FAM98A: variants seen among roughly 807,000 people sequenced by gnomAD.
FAM98A encodes protein FAM98A.
FAM98A carries 25 observed loss-of-function variants against 62.9 expected under a neutral mutation model. The observed-to-expected ratio is 0.40, with a 90% confidence interval of 0.29 to 0.56. The LOEUF is 0.56. FAM98A is among the 20% of genes least tolerant of loss of function. FAM98A has a pLI of 0.51. For missense variants in FAM98A, 653 were observed against 640.7 expected, an observed-to-expected ratio of 1.02 and a Z score of -0.21; for synonymous variants, 252 against 228.6, an observed-to-expected ratio of 1.10 and a Z score of -0.92.
chr2:33,587,516 C>G (rs1297787330), intron 4 of FAM98A, 196 bp from the exon 5 acceptor site: 2 of 562,600 alleles, frequency 3.6e-6, no homozygotes, highest in East Asian at 6.1e-5. Flanking sequence ...TACAGAAGTC[C>G]TTCATTGCAC....
intron 2 of FAM98A, among the ~76,000 whole-genome samples, chr2:33,594,600 CATACATACACACATATATATAT>C (rs1677754142): frequency 7.9e-6 from 1 of 126,234 alleles, no homozygotes; most frequent in African/African-American, 3.2e-5. Context: ...CACACACACA[CATACATACACACATATATATAT>C]ACACACATAT....
intron 2 of FAM98A, 58 bp from the exon 3 acceptor site, chr2:33,592,272 A>G: frequency 7.5e-7 from 1 of 1,327,396 alleles, no homozygotes; most frequent in South Asian, 1.3e-5. Context: ...CATTAGCATA[A>G]CAATTATTAT....
At chr2:33,590,940 A>T (rs1029847905) in intron 3 of FAM98A, among the ~76,000 whole-genome samples, 1 of 152,162 alleles carries the variant, frequency 6.6e-6, no homozygotes. Context: ...CTAAGTGCCA[A>T]ATATTGGTAA....
chr2:33,589,326 T>A (rs1443085745), intron 3 of FAM98A: 5 of 152,194 alleles, frequency 3.3e-5, no homozygotes, highest in Non-Finnish European at 7.4e-5. Context: ...TTCAATCTCA[T>A]TCCTTTAACA....
intron 2 of FAM98A, among the ~76,000 whole-genome samples, chr2:33,595,149 C>T (rs1217049727): frequency 6.6e-6 from 1 of 152,000 alleles, no homozygotes; most frequent in African/African-American, 2.4e-5. Flanking sequence ...GAAAAATATC[C>T]CAGTATCTAG....
In FAM98A at chr2:33,588,334, CT is replaced by C. The variant is rs1237814873; in HGVS notation, c.522del (p.Lys174AsnfsTer2). 8.7e-6 allele frequency: 14 copies of C among 1,606,766 alleles called. No homozygotes were observed. The highest frequency in any genetic ancestry group is 1.7e-5 in the Admixed American group (1 of 59,466). On this transcript the variant is annotated frameshift_variant and splice_region_variant, in exon 4 of 8. Transcript: ENST00000238823. LOFTEE classifies it high-confidence loss of function. ...CTACAATTTGGTACTAAAGGTCTTA[CT>C]TTTTTTTCAATCCCGCTGAAGAATT... The part of the protein sequence containing the change: ...MFQFFSGIEK[K>X]LKETLAKVPP...
chr2:33,587,835 T>C (rs1263841239), intron 4 of FAM98A, among the ~76,000 whole-genome samples: 2 of 151,404 alleles, frequency 1.3e-5, no homozygotes, highest in African/African-American at 4.9e-5. Flanking sequence ...ATAAAAATAA[T>C]TCTAATTTCT....
Position 33,585,046 on chromosome 2 carries a change from A to T in FAM98A, c.1287T>A (p.Ser429=), listed in dbSNP as rs202197501. 5.0e-5 allele frequency: 81 copies of T among 1,614,042 alleles called. No individual in the cohort carries two copies. The highest frequency in any genetic ancestry group is 6.1e-5 in the Non-Finnish European group (72 of 1,180,004). The change falls in exon 8 of 8, where the codon TCT becomes TCA. Residue 429 remains serine (S), a synonymous_variant. Coordinates refer to ENST00000238823, the MANE Select transcript of FAM98A (RefSeq NM_015475.5). Reference sequence around the variant, plus strand: ...GGTATCCACTTCCTGTATATGAAGAAGATGTTTGGAAGCCACCATAACCTC... The same window carrying T: ...GGTATCCACTTCCTGTATATGAAGATGATGTTTGGAAGCCACCATAACCTC... The part of the protein sequence containing the change: ...QGGGYGGFQT[S]SSYTGSGYQG...
At chr2:33,588,089 T>C (rs2151144018) in intron 4 of FAM98A, 1 of 497,018 alleles carries the variant, frequency 2.0e-6, no homozygotes, top group Non-Finnish European at 3.8e-6. Flanking sequence ...TTACTTTAGC[T>C]TACAAACCAG....
Position 33,592,210 on chromosome 2 carries a change from C to A in FAM98A, c.207G>T (p.Pro69=), listed in dbSNP as rs778507561. The A allele has an allele frequency of 6.2e-7, 1 of 1,606,198 alleles. No homozygotes were observed. The highest frequency in any genetic ancestry group is 8.5e-7 in the Non-Finnish European group (1 of 1,175,434). Residue 69 remains proline, a synonymous_variant, in exon 3 of 8, where the codon CCG becomes CCT. Transcript: ENST00000238823. The part of the protein sequence containing the change: ...LEENVQATNS[P]SEAEEFQLEV... ...CAAGCTGGAATTCTTCAGCTTCACTCGGACCTTTTAAGAATTAAAATAATC... is the reference window on the plus strand; with the variant it reads ...CAAGCTGGAATTCTTCAGCTTCACTAGGACCTTTTAAGAATTAAAATAATC...
At chr2:33,593,472 A>C (rs2151146174) in intron 2 of FAM98A, among the ~76,000 whole-genome samples, 1 of 152,340 alleles carries the variant, frequency 6.6e-6, no homozygotes, top group East Asian at 1.9e-4. Flanking sequence ...TCTCAATTAG[A>C]AAAAATTTGA....
At position 33,584,733 on chromosome 2, in the gene FAM98A, T is replaced by C. The variant is rs767952008; in HGVS notation, c.*43A>G. 10 of 1,500,412 alleles carry C rather than the reference T, an allele frequency of 6.7e-6. No individual in the cohort carries two copies. The Admixed American group carries it at 1.9e-4, about 28-fold the overall frequency. The allele number at this position is 1,500,412 out of a possible 1,614,324, so 92.9% of individuals were successfully genotyped here. The stretch of plus-strand genomic sequence containing the variant: ...CTGAATTCAGGATTCTGAAACTAAG[T>C]TTCTATTACTTGAGCTCTAGCAAAA... On this transcript the variant is annotated 3_prime_UTR_variant, in exon 8 of 8. Coordinates refer to ENST00000238823, the MANE Select transcript of FAM98A (RefSeq NM_015475.5).
At chr2:33,592,785 TCTTCATAGCTG>T (rs1405893140) in intron 2 of FAM98A, among the ~76,000 whole-genome samples, 3 of 152,212 alleles carry the variant, frequency 2.0e-5, no homozygotes, top group Non-Finnish European at 4.4e-5. Flanking sequence ...TTTTAAAGAT[TCTTCATAGCTG>T]CTTAGGTTTG....
At chr2:33,591,914 G>A (rs1030681551) in intron 3 of FAM98A, 166 bp downstream of exon 3, 70 of 594,870 alleles carry the variant, frequency 1.2e-4, no homozygotes, top group African/African-American at 7.4e-5. Flanking sequence ...CAGTGCACAC[G>A]TCTACCCTCA....
rs201236299 is a variant in FAM98A, at chr2:33,591,195, CT to C, written c.337+884del. ...TGCCTAAGTATAATGGCTATGAACA[CT>C]TTTTTTTTTTTTAACAGAACCTTAA... is the stretch of plus-strand genomic sequence containing the variant. On this transcript the variant is annotated intron_variant, in intron 3 of 7. Transcript: ENST00000238823. 3.4e-3 allele frequency among the ~76,000 whole-genome samples: 497 copies of C among 146,988 alleles called. 3 individuals carry two copies. The highest frequency in any genetic ancestry group is 9.3e-3 in the African/African-American group (372 of 39,926).
In FAM98A at chr2:33,585,301, T is replaced by C. The variant is rs765169964; in HGVS notation, c.1032A>G (p.Glu344=). ...GGRGGGRGGY[E]HSSYGGRGGH... ...CTCCTCGTCCTCCGTATGAGGAATG[T>C]TCATAGCCACCTCTCCCTCCTCCTC... is the stretch of plus-strand genomic sequence containing the variant. Residue 344 remains glutamate, a synonymous_variant, in exon 8 of 8, where the codon GAA becomes GAG. Coordinates refer to ENST00000238823, the MANE Select transcript of FAM98A (RefSeq NM_015475.5). The C allele has an allele frequency of 2.4e-5, 39 of 1,613,876 alleles. No individual in the cohort carries two copies. In the East Asian group the frequency reaches 8.0e-4, roughly 33 times the overall value.
At chr2:33,591,200 T>TC (rs1318478799) in intron 3 of FAM98A, among the ~76,000 whole-genome samples, 1 of 151,980 alleles carries the variant, frequency 6.6e-6, no homozygotes, top group Non-Finnish European at 1.5e-5. Flanking sequence ...GAACACTTTT[T>TC]TTTTTTTTAA....
rs746440671 is a variant in FAM98A at position 33,584,104 on chromosome 2, G to A, written c.*672C>T. 3.9e-5 allele frequency: 6 copies of A among 152,684 alleles called. No individual in the cohort carries two copies. The highest frequency in any genetic ancestry group is 7.3e-5 in the Non-Finnish European group (5 of 68,074). The allele number at this position is 152,684 out of a possible 1,614,324, so 9.5% of individuals were successfully genotyped here. A position where few individuals can be genotyped will look rare whatever the true frequency, so the allele number is the denominator to read the frequency against. On this transcript the variant is annotated 3_prime_UTR_variant, in exon 8 of 8. Coordinates refer to ENST00000238823, the MANE Select transcript of FAM98A (RefSeq NM_015475.5). ...TAACTAAATGCCTACATGTACTATA[G>A]CTTCACAACTTAGTTTGCTTTTATA...
chr2:33,595,749 T>C (rs1391793721), intron 1 of FAM98A, 112 bp from the exon 2 acceptor site: 1 of 704,256 alleles, frequency 1.4e-6, no homozygotes, highest in Non-Finnish European at 2.2e-6. Flanking sequence ...AAAGATAAGT[T>C]AGTACTTATC....
Sources: allele counts gnomAD v4.1 joint callset (sites outside exome capture counted in the v4.1 genomes callset), GRCh38; gene constraint gnomAD v4.1.1; transcripts MANE v1.5; gene names NCBI Gene and HGNC (gene_info 2026-07-23, HGNC 2026-07-21).